Variants in CALHM4 observed in about 807,000 individuals in gnomAD.
CALHM4 encodes calcium homeostasis modulator family member 4.
In CALHM4, 16 loss-of-function variants were observed where a neutral mutation model predicts 13.3. The observed-to-expected ratio is 1.20, with a 90% CI of 0.81 to 1.82. The LOEUF (loss-of-function observed/expected upper bound fraction) is 1.82. Among genes scored for constraint, CALHM4 ranks in the 40% most tolerant of loss-of-function variants. CALHM4 has a pLI of 0.00. For missense variants in CALHM4, 344 were observed against 374.9 expected (o/e 0.92, Z 0.68); for synonymous variants, 127 against 137.1 (o/e 0.93, Z 0.52).
upstream of CALHM4, among the ~76,000 whole-genome samples, chr6:116,550,007 T>C (rs1199392670): frequency 3.2e-4 from 42 of 132,008 alleles, no homozygotes; most frequent in African/African-American, 1.3e-3. Context: ...TATATATATA[T>C]ATATATATAT....
intron 1 of CALHM4, among the ~76,000 whole-genome samples, chr6:116,533,605 T>G (rs1583284888): frequency 6.6e-6 from 1 of 152,236 alleles, no homozygotes; most frequent in South Asian, 2.1e-4. Context: ...GCTCGGCTCA[T>G]GCCTTCTGTA....
At chr6:116,552,313 A>C (rs1051443761), upstream of CALHM4, among the ~76,000 whole-genome samples, 1 of 151,958 alleles carries the variant, frequency 6.6e-6, no homozygotes, top group Non-Finnish European at 1.5e-5. Context: ...ATTTTTTCAC[A>C]TTCTGCAGTT....
At chr6:116,534,529 C>T (rs1231356712) in intron 1 of CALHM4, among the ~76,000 whole-genome samples, 1 of 152,184 alleles carries the variant, frequency 6.6e-6, no homozygotes, top group African/African-American at 2.4e-5. Context: ...TCAAATGGAA[C>T]ATTTTATTGA....
Position 116,554,029 on chromosome 6 carries a change from G to T in CALHM4, c.236G>T (p.Gly79Val). 1 of 1,550,682 alleles carries T rather than the reference G, an allele frequency of 6.4e-7. No homozygotes were observed. Among genetic ancestry groups the T allele is most frequent in the South Asian group, 1.2e-5 (1 of 84,058 alleles). The change falls in exon 1 of 2, where the codon GGT (glycine) becomes GTT (valine). Residue 79 changes from glycine to valine, a missense_variant. Transcript: ENST00000368596. ...ALRSQMWTITGEYCCSCAPPY... is the reference protein window; with the variant it reads ...ALRSQMWTITVEYCCSCAPPY... ...AGAAGCCAAATGTGGACAATTACCG[G>T]TGAATACTGCTGCAGCTGTGCCCCT...
At chr6:116,549,281 G>GTCTCAAAA (rs1282608561), upstream of CALHM4, among the ~76,000 whole-genome samples, 2 of 152,114 alleles carry the variant, frequency 1.3e-5, no homozygotes, top group African/African-American at 4.8e-5. Context: ...GTGAGACTCC[G>GTCTCAAAA]TCTCAAAATG....
At chr6:116,538,507 T>C (rs1773231509) in intron 1 of CALHM4, among the ~76,000 whole-genome samples, 1 of 152,190 alleles carries the variant, frequency 6.6e-6, no homozygotes, top group Non-Finnish European at 1.5e-5. Context: ...AAGATACATA[T>C]ACAAACATAT....
At chr6:116,532,852 T>C (rs1207081548) in intron 1 of CALHM4, among the ~76,000 whole-genome samples, 1 of 152,216 alleles carries the variant, frequency 6.6e-6, no homozygotes, top group Non-Finnish European at 1.5e-5. Context: ...TAATCATGGG[T>C]TCCCTTACCT....
At chr6:116,545,118 CATACATACAT>C (rs1272214090) in intron 2 of CALHM4, among the ~76,000 whole-genome samples, 2 of 149,940 alleles carry the variant, frequency 1.3e-5, no homozygotes, top group African/African-American at 2.5e-5. Context: ...TATATATATA[CATACATACAT>C]ATATATACAT....
At chr6:116,548,878 T>C (rs59130479), upstream of CALHM4, among the ~76,000 whole-genome samples, 872 of 152,286 alleles carry the variant, frequency 5.7e-3, 11 homozygotes, top group African/African-American at 0.02. Flanking sequence ...AAAAACAGAA[T>C]GGTTGTGTGC....
chr6:116,555,008 T>C (rs1774247009), intron 1 of CALHM4, among the ~76,000 whole-genome samples: 2 of 152,170 alleles, frequency 1.3e-5, no homozygotes, highest in African/African-American at 4.8e-5. Flanking sequence ...CTCCAAGGGA[T>C]CTGAGGAAAA....
At chr6:116,529,407 G>C (rs1387333139) in intron 1 of CALHM4, among the ~76,000 whole-genome samples, 1 of 152,156 alleles carries the variant, frequency 6.6e-6, no homozygotes, top group African/African-American at 2.4e-5. Flanking sequence ...CACAACTGTT[G>C]GCTGTCTAAT....
At chr6:116,543,408 A>G (rs568629316) in intron 1 of CALHM4, 29 of 1,544,212 alleles carry the variant, frequency 1.9e-5, no homozygotes, top group Non-Finnish European at 2.3e-5. Flanking sequence ...ATTCTGGAGA[A>G]AAAGGGGTAG....
chr6:116,539,803 T>A (rs768061270), intron 1 of CALHM4, among the ~76,000 whole-genome samples: 4 of 152,170 alleles, frequency 2.6e-5, no homozygotes, highest in Non-Finnish European at 5.9e-5. Context: ...AGGCCAAGAT[T>A]TTTAAAGGCT....
Position 116,546,204 on chromosome 6 carries a change from G to A in CALHM4, c.-1+2332G>A, listed in dbSNP as rs146090679. On this transcript the variant is annotated intron_variant, in intron 2 of 2. Transcript: ENST00000368597. Reference sequence around the variant, plus strand: ...TCTTACAAAACTGTTGTTCAAAATGGGCGCTCTACAGTATCATAATGTATA... The same window carrying A: ...TCTTACAAAACTGTTGTTCAAAATGAGCGCTCTACAGTATCATAATGTATA... Among the ~76,000 whole-genome samples the A allele has an allele frequency of 2.1e-3, 319 of 152,264 alleles. 1 individual carries two copies. The highest frequency in any genetic ancestry group is 7.0e-3 in the African/African-American group (289 of 41,544).
intron 1 of CALHM4, among the ~76,000 whole-genome samples, chr6:116,530,155 C>A (rs1229939759): frequency 1.3e-5 from 2 of 151,488 alleles, no homozygotes; most frequent in African/African-American, 4.9e-5. Context: ...ATGAAGGAAG[C>A]CAAATATAAT....
rs1415792250 is a variant in CALHM4 at position 116,558,943 on chromosome 6, T to A, written c.*732T>A. The A allele has an allele frequency of 3.3e-5, 5 of 152,218 alleles. No homozygotes were observed. The East Asian group carries it at 7.7e-4, about 23-fold the overall frequency. The allele number at this position is 152,218 out of a possible 1,614,324, so 9.4% of individuals were successfully genotyped here. A position where few individuals can be genotyped will look rare whatever the true frequency, so the allele number is the denominator to read the frequency against. ...ATACTAGGAGCATTTTTATGGCCACTACATATAAAGTTTCTTCTAGAAAGC... is the reference window on the plus strand; with the variant it reads ...ATACTAGGAGCATTTTTATGGCCACAACATATAAAGTTTCTTCTAGAAAGC... On this transcript the variant is annotated 3_prime_UTR_variant, in exon 2 of 2. Coordinates refer to ENST00000368596, the MANE Select transcript of CALHM4 (RefSeq NM_001366078.2).
intron 1 of CALHM4, among the ~76,000 whole-genome samples, chr6:116,530,975 A>G (rs1442518529): frequency 1.0e-4 from 15 of 148,270 alleles, no homozygotes. Flanking sequence ...GAAGAACAAG[A>G]TATTTGTCAA....
intron 1 of CALHM4, chr6:116,543,351 C>T: frequency 2.6e-6 from 4 of 1,550,020 alleles, no homozygotes; most frequent in Non-Finnish European, 3.5e-6. Flanking sequence ...ATAATCCTTA[C>T]ACAGCTGGGC....
upstream of CALHM4, among the ~76,000 whole-genome samples, chr6:116,549,828 T>G (rs1340694568): frequency 2.0e-5 from 3 of 150,680 alleles, no homozygotes; most frequent in East Asian, 5.8e-4. Context: ...ATACAAAATT[T>G]AGCTGGGCAT....
Sources: allele counts gnomAD v4.1 joint callset (sites outside exome capture counted in the v4.1 genomes callset), GRCh38; gene constraint gnomAD v4.1.1; transcripts MANE v1.5; gene names NCBI Gene and HGNC (gene_info 2026-07-23, HGNC 2026-07-21).